HPSE2: variants seen among roughly 807,000 people sequenced by gnomAD.
The protein encoded by HPSE2 is heparanase 2 (inactive).
In HPSE2, 38 loss-of-function variants were observed where a neutral mutation model predicts 60.5. That is an observed-to-expected ratio of 0.63 (90% CI 0.48 to 0.82). The LOEUF (loss-of-function observed/expected upper bound fraction) is 0.82, where lower values mean the gene tolerates loss of function less well. Ranked by LOEUF, HPSE2 falls within the 40% of genes least tolerant of loss-of-function variation. The pLI is 0.00. For synonymous variants in HPSE2, 295 were observed against 293.2 expected (o/e 1.01, Z -0.06); for missense variants, 713 against 740.4 (o/e 0.96, Z 0.43).
rs186574079 is a variant in HPSE2 at position 99,214,684 on chromosome 10, A to C, written c.448+17664T>G. Among the ~76,000 whole-genome samples the C allele has an allele frequency of 2.6e-3, 400 of 152,256 alleles. 1 individual carries two copies. Among genetic ancestry groups the C allele is most frequent in the African/African-American group, 9.5e-3 (393 of 41,562 alleles). ...CTACCGTATGGGGGAAAAATTTTGCAATCTGTCCATCTGGCAAAGGTCTAA... is the reference window on the plus strand; with the variant it reads ...CTACCGTATGGGGGAAAAATTTTGCCATCTGTCCATCTGGCAAAGGTCTAA... On this transcript the variant is annotated intron_variant, in intron 2 of 11. Transcript: ENST00000370552.
At chr10:99,275,221 A>G in the HPSE2 span, among the ~76,000 whole-genome samples, 272 of 152,310 alleles carry the variant, frequency 1.8e-3, 1 homozygote, top group Admixed American at 3.9e-3. Context: ...TTCAGCTTCT[A>G]ATTTTTTCGA....
At chr10:98,960,701 C>CT in intron 3 of HPSE2, among the ~76,000 whole-genome samples, 3,724 of 57,220 alleles carry the variant, frequency 0.065, 104 homozygotes, top group African/African-American at 0.14. Flanking sequence ...ATGTACATTT[C>CT]TTTTTTTTTT....
intron 2 of HPSE2, among the ~76,000 whole-genome samples, chr10:99,155,922 C>G (rs1484231599): frequency 6.6e-6 from 1 of 151,614 alleles, no homozygotes; most frequent in Non-Finnish European, 1.5e-5. Context: ...GGGGATATCA[C>G]CACCGATCCC....
chr10:99,014,725 A>G (rs968045939), intron 3 of HPSE2, among the ~76,000 whole-genome samples: 2 of 152,114 alleles, frequency 1.3e-5, no homozygotes, highest in Non-Finnish European at 2.9e-5. Context: ...TTTCTTCACG[A>G]CTGTCGGTTG....
the HPSE2 span, among the ~76,000 whole-genome samples, chr10:99,297,734 G>A: frequency 8.4e-4 from 128 of 152,198 alleles, no homozygotes; most frequent in African/African-American, 3.1e-3. Context: ...TGGGTTCACT[G>A]CTGGCCACCC....
chr10:99,083,493 G>A (rs941465672), intron 3 of HPSE2, among the ~76,000 whole-genome samples: 3 of 152,092 alleles, frequency 2.0e-5, no homozygotes, highest in Non-Finnish European at 4.4e-5. Context: ...AGGTCTAGGA[G>A]GTCTCTTTTA....
rs1554861473 is a variant in HPSE2 at position 98,999,194 on chromosome 10, TGC to T, written c.610+145042_610+145043del. ...GTGTGTGTGTGTGTGTGTGTGTGTG[TGC>T]ATGTGTGTGTAAAGAGAGAAAAAGA... On this transcript the variant is annotated intron_variant, in intron 3 of 11. Coordinates refer to ENST00000370552, the MANE Select transcript of HPSE2 (RefSeq NM_021828.5). Among the ~76,000 whole-genome samples the T allele has an allele frequency of 4.7e-5, 7 of 150,086 alleles. 1 individual carries two copies. Among genetic ancestry groups the T allele is most frequent in the African/African-American group, 7.4e-5 (3 of 40,674 alleles).
At chr10:99,142,712 A>G (rs1845905772) in intron 3 of HPSE2, among the ~76,000 whole-genome samples, 1 of 152,216 alleles carries the variant, frequency 6.6e-6, no homozygotes, top group African/African-American at 2.4e-5. Flanking sequence ...CAAAGGGATT[A>G]TGTTACTGAG....
intron 3 of HPSE2, among the ~76,000 whole-genome samples, chr10:99,125,986 G>A (rs891579619): frequency 2.0e-5 from 3 of 152,284 alleles, no homozygotes; most frequent in East Asian, 1.9e-4. Context: ...TCCAGGAGGC[G>A]AATGGGGACT....
intron 6 of HPSE2, among the ~76,000 whole-genome samples, chr10:98,660,208 G>A (rs924738585): frequency 6.6e-6 from 1 of 151,994 alleles, no homozygotes; most frequent in African/African-American, 2.4e-5. Context: ...GATCCCTGAG[G>A]GATTCTCAGC....
chr10:98,823,656 G>C (rs1565189801), intron 3 of HPSE2, among the ~76,000 whole-genome samples: 1 of 152,024 alleles, frequency 6.6e-6, no homozygotes. Context: ...GATAGAGATA[G>C]ATAATGATTT....
intron 2 of HPSE2, among the ~76,000 whole-genome samples, chr10:99,190,400 T>C (rs755478761): frequency 1.3e-5 from 2 of 152,182 alleles, no homozygotes; most frequent in African/African-American, 2.4e-5. Flanking sequence ...TCTGTAAAGA[T>C]TGAAGTACTC....
chr10:98,797,469 T>C (rs768519675), intron 3 of HPSE2, among the ~76,000 whole-genome samples: 27 of 152,148 alleles, frequency 1.8e-4, no homozygotes, highest in Non-Finnish European at 3.2e-4. Context: ...TAAAACAGAA[T>C]GAAGCATGCC....
At chr10:99,161,126 C>A (rs2133770129) in intron 2 of HPSE2, among the ~76,000 whole-genome samples, 1 of 151,088 alleles carries the variant, frequency 6.6e-6, no homozygotes, top group Admixed American at 6.6e-5. Flanking sequence ...GAAGCTGAGG[C>A]AGGAAGACAG....
rs568152511 is a variant in HPSE2, at chr10:98,721,535, G to C, written c.956+122C>G. Reference sequence around the variant, plus strand: ...AGTGGGTGAAGCCACTATGGAAAGAGTCCCTCCTTTTTTCTTAAGACCAAA... The same window carrying C: ...AGTGGGTGAAGCCACTATGGAAAGACTCCCTCCTTTTTTCTTAAGACCAAA... On this transcript the variant is annotated intron_variant, in intron 5 of 11. Coordinates refer to ENST00000370552, the MANE Select transcript of HPSE2 (RefSeq NM_021828.5). 9.5e-5 allele frequency: 89 copies of C among 940,400 alleles called. No individual in the cohort carries two copies. In the Middle Eastern group the frequency reaches 2.0e-3, roughly 21 times the overall value. 58.3% of individuals were successfully genotyped at this position (940,400 alleles called of 1,614,324 possible).
chr10:99,251,292 C>A, the HPSE2 span, among the ~76,000 whole-genome samples: 1 of 152,210 alleles, frequency 6.6e-6, no homozygotes, highest in Non-Finnish European at 1.5e-5. Context: ...ATTGAATCAG[C>A]AAGAAATTGA....
At chr10:98,603,005 G>A (rs954120696) in intron 9 of HPSE2, among the ~76,000 whole-genome samples, 3 of 152,178 alleles carry the variant, frequency 2.0e-5, no homozygotes, top group Non-Finnish European at 2.9e-5. Flanking sequence ...ACAACACACA[G>A]ATTATTGGAC....
At chr10:99,237,719 A>T (rs963083548), upstream of HPSE2, among the ~76,000 whole-genome samples, 10 of 152,102 alleles carry the variant, frequency 6.6e-5, no homozygotes, top group African/African-American at 2.4e-4. Flanking sequence ...AGACATCTAG[A>T]TCCTTTAAAC....
intron 7 of HPSE2, among the ~76,000 whole-genome samples, chr10:98,634,939 T>C (rs1283606958): frequency 6.6e-6 from 1 of 152,188 alleles, no homozygotes; most frequent in Non-Finnish European, 1.5e-5. Context: ...TGAGAGGACT[T>C]CCCTGATTTC....
Sources: gnomAD v4.1 joint callset for allele counts (sites outside exome capture counted in the v4.1 genomes callset) on GRCh38, gnomAD v4.1.1 for gene constraint, MANE v1.5 for transcripts, NCBI Gene and HGNC (gene_info 2026-07-23, HGNC 2026-07-21) for gene names.